The following FRMD4A variants were observed in gnomAD, a reference collection of about 807,000 sequenced individuals.
The protein encoded by FRMD4A is FERM domain containing 4A.
FRMD4A carries 29 observed loss-of-function variants against 129.1 expected under a neutral mutation model. That is an observed-to-expected ratio of 0.22 (90% confidence interval 0.17 to 0.31). The LOEUF (loss-of-function observed/expected upper bound fraction) is 0.31, where lower values mean the gene tolerates loss of function less well. Among genes scored for constraint, FRMD4A ranks in the 10% least tolerant of loss-of-function variants. The pLI is 1.00. For missense variants in FRMD4A, 1,272 were observed against 1,375.8 expected (o/e 0.92, Z 1.19); for synonymous variants, 634 against 571.6 (o/e 1.11, Z -1.56).
At chr10:13,770,276 T>C (rs937306779) in intron 6 of FRMD4A, among the ~76,000 whole-genome samples, 2 of 152,146 alleles carry the variant, frequency 1.3e-5, no homozygotes, top group Non-Finnish European at 2.9e-5. Context: ...TCAAGTCACT[T>C]CATGTTTGTC....
intron 23 of FRMD4A, chr10:13,652,820 A>G (rs1019163637): frequency 6.6e-6 from 1 of 152,160 alleles, no homozygotes; most frequent in Non-Finnish European, 1.5e-5. Flanking sequence ...TCACCCCCAG[A>G]GTTTTGGATT....
At chr10:13,669,942 G>A (rs1435051133) in intron 17 of FRMD4A, among the ~76,000 whole-genome samples, 1 of 152,220 alleles carries the variant, frequency 6.6e-6, no homozygotes, top group Non-Finnish European at 1.5e-5. Flanking sequence ...AGCCAGGTGA[G>A]GCTATGACCA....
chr10:14,019,964 G>A (rs963075672), intron 2 of FRMD4A, among the ~76,000 whole-genome samples: 1 of 152,210 alleles, frequency 6.6e-6, no homozygotes, highest in African/African-American at 2.4e-5. Context: ...AATGGCTGCT[G>A]AATGCATAGC....
At chr10:14,191,954 A>C (rs1733272525) in intron 2 of FRMD4A, among the ~76,000 whole-genome samples, 1 of 151,972 alleles carries the variant, frequency 6.6e-6, no homozygotes, top group Non-Finnish European at 1.5e-5. Flanking sequence ...CACTGTCTCC[A>C]CTTCCACCAG....
intron 2 of FRMD4A, among the ~76,000 whole-genome samples, chr10:14,229,087 G>GC (rs1554789717): frequency 6.8e-6 from 1 of 146,286 alleles, no homozygotes; most frequent in Non-Finnish European, 1.5e-5. Context: ...GTTTTTTCTT[G>GC]TTTTTTTTTT....
At chr10:13,807,170 T>C (rs2093369598) in intron 4 of FRMD4A, among the ~76,000 whole-genome samples, 1 of 152,212 alleles carries the variant, frequency 6.6e-6, no homozygotes, top group Non-Finnish European at 1.5e-5. Flanking sequence ...TATTAAAGGG[T>C]GCCAAAATGT....
chr10:13,658,132 TAAAAA>T (rs565374030), intron 21 of FRMD4A, among the ~76,000 whole-genome samples: 16 of 81,240 alleles, frequency 2.0e-4, no homozygotes, highest in African/African-American at 7.2e-4. Flanking sequence ...CTGTCTCTCT[TAAAAA>T]AAAAAAAAAA....
chr10:14,212,281 C>G (rs547226178), intron 2 of FRMD4A, among the ~76,000 whole-genome samples: 12 of 152,250 alleles, frequency 7.9e-5, no homozygotes, highest in Non-Finnish European at 1.6e-4. Flanking sequence ...CAAGAGGTTG[C>G]ACATCACTAG....
chr10:14,306,347 T>A (rs1257088991), intron 2 of FRMD4A, among the ~76,000 whole-genome samples: 1 of 151,918 alleles, frequency 6.6e-6, no homozygotes, highest in East Asian at 1.9e-4. Context: ...CACAGAGAGG[T>A]CATCTGAACT....
chr10:14,212,030 AT>A (rs1842946039), intron 2 of FRMD4A, among the ~76,000 whole-genome samples: 1 of 152,164 alleles, frequency 6.6e-6, no homozygotes, highest in Non-Finnish European at 1.5e-5. Context: ...ACAGACAGAC[AT>A]CCCCTGTGAT....
intron 2 of FRMD4A, among the ~76,000 whole-genome samples, chr10:13,886,406 G>A (rs1321135450): frequency 6.6e-6 from 1 of 152,086 alleles, no homozygotes; most frequent in Non-Finnish European, 1.5e-5. Context: ...TAAAAGGTTT[G>A]GGATTCTGCA....
At chr10:14,056,201 T>A (rs529669088) in intron 2 of FRMD4A, among the ~76,000 whole-genome samples, 1 of 152,142 alleles carries the variant, frequency 6.6e-6, no homozygotes, top group Non-Finnish European at 1.5e-5. Context: ...CTGGCTGGTT[T>A]TTGTATTTTT....
At chr10:14,221,725 ATT>A (rs5783386) in intron 2 of FRMD4A, among the ~76,000 whole-genome samples, 53 of 149,132 alleles carry the variant, frequency 3.6e-4, no homozygotes, top group Admixed American at 7.4e-4. Flanking sequence ...ACGCCGGGTA[ATT>A]TTTTTTTTTT....
chr10:14,207,246 C>T lies in FRMD4A; in HGVS notation c.45+122812G>A, dbSNP rs187329442. On this transcript the variant is annotated intron_variant, in intron 2 of 24. Coordinates refer to ENST00000357447, the MANE Select transcript of FRMD4A (RefSeq NM_018027.5). ...TATGTTAAGTGTCTATATCAGTGGT[C>T]CCCAATCTTTTTGGCACCAGGGACT... Among the ~76,000 whole-genome samples, 7 of 152,202 alleles carry T rather than the reference C, an allele frequency of 4.6e-5. No homozygotes were observed. In the East Asian group the frequency reaches 1.4e-3, roughly 29 times the overall value.
intron 12 of FRMD4A, among the ~76,000 whole-genome samples, chr10:13,710,815 C>A (rs1385815492): frequency 6.6e-6 from 1 of 152,070 alleles, no homozygotes; most frequent in Non-Finnish European, 1.5e-5. Context: ...GAGCTTGAGA[C>A]CAGCCTGGGC....
chr10:13,767,674 G>A (rs562254652), intron 6 of FRMD4A, among the ~76,000 whole-genome samples: 1 of 152,332 alleles, frequency 6.6e-6, no homozygotes, highest in African/African-American at 2.4e-5. Context: ...GACAAAATGG[G>A]ATCATAGGAG....
intron 2 of FRMD4A, among the ~76,000 whole-genome samples, chr10:14,100,193 T>C (rs1015211872): frequency 6.6e-6 from 1 of 152,218 alleles, no homozygotes; most frequent in African/African-American, 2.4e-5. Context: ...CCTGAACTTA[T>C]GAATTTAAAA....
intron 6 of FRMD4A, 71 bp downstream of exon 6, chr10:13,782,851 A>C (rs969065792): frequency 2.4e-5 from 19 of 794,342 alleles, no homozygotes; most frequent in Non-Finnish European, 4.4e-5. Context: ...AAGGGGTAAC[A>C]CTTTGGAATT....
chr10:14,197,101 C>T (rs1796502063), intron 2 of FRMD4A, among the ~76,000 whole-genome samples: 1 of 152,150 alleles, frequency 6.6e-6, no homozygotes, highest in Non-Finnish European at 1.5e-5. Flanking sequence ...AAGCTGCCAC[C>T]AGGGGGCGCG....
Sources: gnomAD v4.1 joint callset for allele counts (sites outside exome capture counted in the v4.1 genomes callset) on GRCh38, gnomAD v4.1.1 for gene constraint, MANE v1.5 for transcripts, NCBI Gene and HGNC (gene_info 2026-07-23, HGNC 2026-07-21) for gene names.